Variants in RPS6KA2 observed in about 807,000 individuals in gnomAD.
The protein encoded by RPS6KA2 is ribosomal protein S6 kinase alpha-2.
Under a neutral mutation model 91.8 loss-of-function variants are expected in RPS6KA2, and 42 were observed. The ratio of observed to expected loss-of-function variants is 0.46; its 90% CI spans 0.36 to 0.59. RPS6KA2 has a LOEUF of 0.59. Among genes scored for constraint, RPS6KA2 ranks in the 20% least tolerant of loss-of-function variants. The probability of loss-of-function intolerance (pLI) is 0.00; values close to 1 mark genes in which losing one functional copy is unlikely to be tolerated. For synonymous variants in RPS6KA2, 414 were observed against 393.6 expected, an observed-to-expected ratio of 1.05 and a Z score of -0.61; for missense variants, 798 against 978.5, an observed-to-expected ratio of 0.82 and a Z score of 2.46.
chr6:166,604,537 A>G (rs529323920), intron 1 of RPS6KA2, among the ~76,000 whole-genome samples: 33 of 152,318 alleles, frequency 2.2e-4, no homozygotes, highest in Middle Eastern at 3.4e-3. Flanking sequence ...GGGCGGGGCC[A>G]TCCCCAGCTG....
At chr6:166,760,220 T>C (rs1249520048) in intron 2 of RPS6KA2, among the ~76,000 whole-genome samples, 1 of 152,220 alleles carries the variant, frequency 6.6e-6, no homozygotes, top group Non-Finnish European at 1.5e-5. Context: ...GGAATGGCGA[T>C]TTGGAGAGAG....
rs1780774126 is a variant in RPS6KA2 at position 166,852,657 on chromosome 6, G to A, written c.123+5543C>T. Among the ~76,000 whole-genome samples the A allele has an allele frequency of 1.3e-5, 2 of 152,078 alleles. No homozygotes were observed. The highest frequency in any genetic ancestry group is 2.9e-5 in the Non-Finnish European group (2 of 68,006). The stretch of plus-strand genomic sequence containing the variant: ...CCAGGGGACTCGTCGAGGGGTCCAA[G>A]CAGCAACGGCTCGGCAACTCCGGGA... On this transcript the variant is annotated intron_variant, in intron 2 of 21. Coordinates refer to the RPS6KA2 transcript ENST00000503859. This position sits in a 1 kb window ranked among gnomAD's most constrained non-coding sequence, Gnocchi z 4.1.
intron 13 of RPS6KA2, among the ~76,000 whole-genome samples, chr6:166,450,725 T>C (rs1359215719): frequency 2.3e-5 from 3 of 128,598 alleles, no homozygotes; most frequent in African/African-American, 6.2e-5. Flanking sequence ...GGGAACACCA[T>C]GGGGACCACC....
chr6:166,615,116 C>G lies in RPS6KA2; in HGVS notation c.99+11805G>C, dbSNP rs146273378. On this transcript the variant is annotated intron_variant, in intron 1 of 20. Coordinates refer to ENST00000265678, the MANE Select transcript of RPS6KA2 (RefSeq NM_021135.6). The stretch of plus-strand genomic sequence containing the variant: ...CGACTAGTCCTACTTTATTTCCTGC[C>G]ATTGAAATCCCAGCAGGATGTGGCC... Among the ~76,000 whole-genome samples the G allele has an allele frequency of 2.7e-3, 407 of 152,290 alleles. 3 individuals are homozygous for G. Among genetic ancestry groups the G allele is most frequent in the African/African-American group, 9.5e-3 (393 of 41,560 alleles).
At chr6:166,655,058 G>A (rs1787965527) in intron 2 of RPS6KA2, among the ~76,000 whole-genome samples, 1 of 152,150 alleles carries the variant, frequency 6.6e-6, no homozygotes, top group Non-Finnish European at 1.5e-5. Context: ...TCTAGACACT[G>A]ACAACCCACC....
intron 2 of RPS6KA2, among the ~76,000 whole-genome samples, chr6:166,756,912 G>A (rs1039634234): frequency 1.1e-4 from 17 of 152,188 alleles, no homozygotes; most frequent in Admixed American, 3.9e-4. Context: ...TGGGAGGAAT[G>A]AGGAGTGTTT....
chr6:166,757,967 G>C (rs767985776), intron 2 of RPS6KA2: 1 of 185,102 alleles, frequency 5.4e-6, no homozygotes, highest in Non-Finnish European at 1.1e-5. Flanking sequence ...GCAGAAGCCG[G>C]CAAAGCAGAA....
chr6:166,420,293 C>T (rs1236307082), intron 17 of RPS6KA2, among the ~76,000 whole-genome samples: 2 of 152,160 alleles, frequency 1.3e-5, no homozygotes, highest in Non-Finnish European at 2.9e-5. Flanking sequence ...TTTTTAAGTG[C>T]ACAGTTTAGC....
At chr6:166,799,607 A>T (rs113251632) in intron 2 of RPS6KA2, among the ~76,000 whole-genome samples, 1 of 56,960 alleles carries the variant, frequency 1.8e-5, no homozygotes, top group African/African-American at 6.6e-5. Context: ...TTTTTTTTTT[A>T]AAAGGATGAG....
chr6:166,473,195 A>AT (rs11305958), intron 10 of RPS6KA2, among the ~76,000 whole-genome samples: 5,454 of 149,210 alleles, frequency 0.037, 296 homozygotes, highest in African/African-American at 0.12. Context: ...CTGTGAATGG[A>AT]TTTTTTTTTT....
chr6:166,824,757 G>GTGTGTGTC, intron 2 of RPS6KA2, among the ~76,000 whole-genome samples: 1 of 146,802 alleles, frequency 6.8e-6, no homozygotes, highest in Non-Finnish European at 1.5e-5. Context: ...GTATGTCTGT[G>GTGTGTGTC]TGTGTGTCTG....
chr6:166,715,290 A>C (rs1336698112), intron 2 of RPS6KA2, among the ~76,000 whole-genome samples: 1 of 152,214 alleles, frequency 6.6e-6, no homozygotes, highest in African/African-American at 2.4e-5. Context: ...CATGGACGGT[A>C]GCTGCCACCA....
At chr6:166,668,782 CCTTT>C (rs1352793582) in intron 2 of RPS6KA2, among the ~76,000 whole-genome samples, 4 of 152,104 alleles carry the variant, frequency 2.6e-5, no homozygotes, top group Non-Finnish European at 4.4e-5. Flanking sequence ...TAAGAGGTTT[CCTTT>C]CTTTTTTTCT....
intron 3 of RPS6KA2, among the ~76,000 whole-genome samples, chr6:166,526,341 C>CTTTTT (rs10616497): frequency 6.9e-4 from 70 of 101,850 alleles, no homozygotes; most frequent in Non-Finnish European, 9.1e-4. Context: ...GTTTATATGG[C>CTTTTT]TTTTTTTTTT....
chr6:166,697,120 TATAG>T, intron 2 of RPS6KA2, among the ~76,000 whole-genome samples: 1 of 152,112 alleles, frequency 6.6e-6, no homozygotes, highest in East Asian at 1.9e-4. Flanking sequence ...TGGATACAAA[TATAG>T]ATATAGATAC....
rs541221305 is a variant in RPS6KA2 at position 166,801,739 on chromosome 6, A to G, written c.123+56461T>C. Among the ~76,000 whole-genome samples, 273 of 152,352 alleles carry G rather than the reference A, an allele frequency of 1.8e-3. 1 individual carries two copies. The highest frequency in any genetic ancestry group is 6.3e-3 in the African/African-American group (262 of 41,570). On this transcript the variant is annotated intron_variant, in intron 2 of 21. Coordinates refer to the RPS6KA2 transcript ENST00000503859. ...TACCTTTATTTAAAATGTTCTGCAT[A>G]AATATATTCATGCACATAATTTTCA...
At position 166,495,749 on chromosome 6, in the gene RPS6KA2, G is replaced by T. The variant is rs1781763826; in HGVS notation, c.747+2759C>A. 6.6e-6 allele frequency among the ~76,000 whole-genome samples: 1 copy of T among 152,216 alleles called. No individual in the cohort carries two copies. Among genetic ancestry groups the T allele is most frequent in the South Asian group, 2.1e-4 (1 of 4,830 alleles). ...GAGACAGACAACGACAATAAAAGAT[G>T]GCAGACGTTAGAGCAGTGGCAAGCC... On this transcript the variant is annotated intron_variant, in intron 8 of 20. Transcript: ENST00000265678. The surrounding 1 kb of genome is among the most constrained non-coding windows in gnomAD (Gnocchi z 4.4).
chr6:166,426,100 A>G (rs1199830934), intron 16 of RPS6KA2, among the ~76,000 whole-genome samples: 6 of 151,648 alleles, frequency 4.0e-5, no homozygotes, highest in African/African-American at 9.7e-5. Flanking sequence ...ATAACAAACT[A>G]TCTCTCAGAC....
At position 166,696,586 on chromosome 6, in the gene RPS6KA2, G is replaced by A. The variant is rs148471124; in HGVS notation, c.124-157802C>T. On this transcript the variant is annotated intron_variant, in intron 2 of 21. Transcript: ENST00000503859. ...TCAGCTGAAACGGTCCATTTTCTACGTCAACTTGACAGGGCTGCACGGTGC... is the reference window on the plus strand; with the variant it reads ...TCAGCTGAAACGGTCCATTTTCTACATCAACTTGACAGGGCTGCACGGTGC... Among the ~76,000 whole-genome samples the A allele has an allele frequency of 6.5e-3, 985 of 152,186 alleles. 7 individuals carry two copies. Among genetic ancestry groups the A allele is most frequent in the Middle Eastern group, 0.02 (6 of 294 alleles).
Sources: gnomAD v4.1 joint callset for allele counts (sites outside exome capture counted in the v4.1 genomes callset) on GRCh38, gnomAD v4.1.1 for gene constraint, Gnocchi (gnomAD v3.1) non-coding constraint, MANE v1.5 for transcripts, NCBI Gene and HGNC (gene_info 2026-07-23, HGNC 2026-07-21) for gene names.